Variants in ATR observed in about 807,000 individuals in gnomAD.
ATR encodes ATR checkpoint kinase, also known as serine/threonine-protein kinase ATR.
ATR carries 142 observed loss-of-function variants against 305.3 expected under a neutral mutation model. The observed-to-expected ratio is 0.47, with a 90% CI of 0.41 to 0.53. The LOEUF (loss-of-function observed/expected upper bound fraction) is 0.53, where lower values mean the gene tolerates loss of function less well. ATR is among the 20% of genes least tolerant of loss of function. The probability of loss-of-function intolerance (pLI) is 0.00; values close to 1 mark genes in which losing one functional copy is unlikely to be tolerated. For missense variants in ATR, 2,135 were observed against 3,133.1 expected, an observed-to-expected ratio of 0.68 and a Z score of 7.60; for synonymous variants, 1,050 against 1,068.1, an observed-to-expected ratio of 0.98 and a Z score of 0.33.
At chr3:142,471,727 C>A (rs1487160583) in intron 36 of ATR, among the ~76,000 whole-genome samples, 3 of 152,096 alleles carry the variant, frequency 2.0e-5, no homozygotes, top group Admixed American at 2.0e-4. Flanking sequence ...CTAATTATTT[C>A]ACATATTTAT....
intron 35 of ATR, 151 bp from the exon 36 acceptor site, chr3:142,485,433 G>C (rs936635020): frequency 4.0e-6 from 4 of 1,011,408 alleles, no homozygotes; most frequent in Non-Finnish European, 4.3e-6. Context: ...TGTGGAAAAG[G>C]AATAGCTAAC....
chr3:142,483,120 C>T (rs1368257594), intron 36 of ATR, among the ~76,000 whole-genome samples: 1 of 151,182 alleles, frequency 6.6e-6, no homozygotes, highest in Non-Finnish European at 1.5e-5. Flanking sequence ...ATCCTCCCAC[C>T]TCAACCTCCA....
At chr3:142,511,938 A>G (rs1205764559) in intron 27 of ATR, among the ~76,000 whole-genome samples, 2 of 151,900 alleles carry the variant, frequency 1.3e-5, no homozygotes, top group South Asian at 4.2e-4. Flanking sequence ...ATATGGCAAA[A>G]CCCTGTCTCT....
At chr3:142,506,632 A>G (rs2032252606) in intron 28 of ATR, among the ~76,000 whole-genome samples, 1 of 152,180 alleles carries the variant, frequency 6.6e-6, no homozygotes, top group Admixed American at 6.5e-5. Context: ...GGTTGCAGTG[A>G]GCCGAGCTCG....
At chr3:142,491,772 T>C (rs965314926) in intron 35 of ATR, among the ~76,000 whole-genome samples, 21 of 152,230 alleles carry the variant, frequency 1.4e-4, no homozygotes, top group African/African-American at 5.1e-4. Context: ...AGATTAGCAC[T>C]GTCTGTGCCA....
intron 18 of ATR, among the ~76,000 whole-genome samples, chr3:142,539,940 G>C (rs958272188): frequency 6.6e-6 from 1 of 152,098 alleles, no homozygotes; most frequent in Non-Finnish European, 1.5e-5. Flanking sequence ...ATAATAAAGG[G>C]ATTCAGGTTG....
chr3:142,479,102 T>A (rs1050475219), intron 36 of ATR, among the ~76,000 whole-genome samples: 10 of 151,538 alleles, frequency 6.6e-5, no homozygotes, highest in African/African-American at 2.4e-4. Context: ...AGGTTAATAT[T>A]GTTATGTGTG....
At chr3:142,509,053 T>A (rs548129625) in intron 27 of ATR, among the ~76,000 whole-genome samples, 1 of 152,208 alleles carries the variant, frequency 6.6e-6, no homozygotes, top group East Asian at 1.9e-4. Context: ...GAGGACAGTC[T>A]AGTTTATGAA....
intron 36 of ATR, among the ~76,000 whole-genome samples, chr3:142,478,725 A>G (rs2108297108): frequency 6.6e-6 from 1 of 152,254 alleles, no homozygotes; most frequent in Non-Finnish European, 1.5e-5. Flanking sequence ...GTGCGAGTCT[A>G]AGTCTCTTTG....
chr3:142,547,998 A>G, intron 15 of ATR, 88 bp from the exon 16 acceptor site: 1 of 1,152,764 alleles, frequency 8.7e-7, no homozygotes, highest in South Asian at 1.3e-5. Context: ...CTATTAGTAC[A>G]TCAGGAGCTC....
chr3:142,535,220 C>A lies in ATR; in HGVS notation c.3820-15G>T, dbSNP rs373657074. On this transcript the variant is annotated splice_polypyrimidine_tract_variant and intron_variant, in intron 20 of 46. Transcript: ENST00000350721. ...TCAGAGGTCTCCTATATACAAAGCACAGAGAGACAGAACTTATTAATCAAC... is the reference window on the plus strand; with the variant it reads ...TCAGAGGTCTCCTATATACAAAGCAAAGAGAGACAGAACTTATTAATCAAC... The A allele has an allele frequency of 2.0e-5, 33 of 1,612,358 alleles. No individual in the cohort carries two copies. In the African/African-American group the frequency reaches 3.1e-4, roughly 15 times the overall value.
intron 11 of ATR, 35 bp downstream of exon 11, chr3:142,553,790 C>A (rs9870078): frequency 3.1e-6 from 5 of 1,610,128 alleles, no homozygotes; most frequent in South Asian, 2.2e-5. Context: ...GCTAGGTTGA[C>A]GTAAACTCAA....
At chr3:142,485,877 C>T (rs1159917408) in intron 35 of ATR, among the ~76,000 whole-genome samples, 1 of 152,164 alleles carries the variant, frequency 6.6e-6, no homozygotes, top group Non-Finnish European at 1.5e-5. Context: ...TTTTCAGCTT[C>T]AGTCTTCACC....
Position 142,470,208 on chromosome 3 carries a change from C to T in ATR, c.6222-25G>A, listed in dbSNP as rs780144952. On this transcript the variant is annotated intron_variant, in intron 36 of 46. Coordinates refer to ENST00000350721, the MANE Select transcript of ATR (RefSeq NM_001184.4). ...TCTGCAATTATATAGACAAGAAACA[C>T]TATTAGCATAGCTGTCATTTTTATA... 4 of 1,509,096 alleles carry T rather than the reference C, an allele frequency of 2.7e-6. No homozygotes were observed. In the South Asian group the frequency reaches 4.5e-5, roughly 17 times the overall value. 93.5% of individuals were successfully genotyped at this position (1,509,096 alleles called of 1,614,324 possible). A position where few individuals can be genotyped will look rare whatever the true frequency, so the allele number is the denominator to read the frequency against.
chr3:142,464,978 T>C (rs893020594), intron 41 of ATR, 119 bp downstream of exon 41: 34 of 543,546 alleles, frequency 6.3e-5, no homozygotes, highest in Non-Finnish European at 8.9e-5. Flanking sequence ...AAAATGCCTA[T>C]ATCAGATTGA....
At chr3:142,555,611 C>A (rs2034639817) in intron 10 of ATR, among the ~76,000 whole-genome samples, 1 of 152,136 alleles carries the variant, frequency 6.6e-6, no homozygotes, top group African/African-American at 2.4e-5. Context: ...TTGAATCTTA[C>A]AATATTGAAA....
chr3:142,465,261 T>C (rs2108271557), intron 40 of ATR, 21 bp from the exon 41 acceptor site: 2 of 1,603,956 alleles, frequency 1.2e-6, no homozygotes, highest in Non-Finnish European at 1.7e-6. Flanking sequence ...ATGAGTTATA[T>C]ATGAATTAGG....
intron 1 of ATR, among the ~76,000 whole-genome samples, chr3:142,577,158 T>C (rs1270825044): frequency 1.3e-5 from 2 of 152,350 alleles, no homozygotes; most frequent in African/African-American, 4.8e-5. Context: ...TAAAAACTAT[T>C]AGACAACTCT....
At chr3:142,499,850 T>C (rs2031861567) in intron 30 of ATR, 132 bp from the exon 31 acceptor site, 2 of 741,340 alleles carry the variant, frequency 2.7e-6, no homozygotes, top group Admixed American at 2.9e-5. Flanking sequence ...TTCTTAGATA[T>C]AAAATAATTA....
Sources: allele counts gnomAD v4.1 joint callset (sites outside exome capture counted in the v4.1 genomes callset), GRCh38; gene constraint gnomAD v4.1.1; transcripts MANE v1.5; gene names NCBI Gene and HGNC (gene_info 2026-07-23, HGNC 2026-07-21).